Variants in CBL observed in about 807,000 individuals in gnomAD.
CBL encodes the protein Cbl proto-oncogene.
In CBL, 45 loss-of-function variants were observed where a neutral mutation model predicts 96.9. The ratio of observed to expected loss-of-function variants is 0.46; its 90% CI spans 0.37 to 0.60. CBL has a LOEUF of 0.60. Among genes scored for constraint, CBL ranks in the 20% least tolerant of loss-of-function variants. The probability of loss-of-function intolerance (pLI) is 0.00; values close to 1 mark genes in which losing one functional copy is unlikely to be tolerated. For missense variants in CBL, 1,024 were observed against 1,143.5 expected (o/e 0.90, Z 1.51); for synonymous variants, 420 against 426.8 (o/e 0.98, Z 0.20).
chr11:119,287,815 A>G (rs1394510042), intron 11 of CBL, 37 bp from the exon 12 acceptor site: 1 of 1,324,176 alleles, frequency 7.6e-7, no homozygotes, highest in Admixed American at 1.7e-5. Context: ...AGCTGTGGTA[A>G]GAAAGTTGTT....
intron 1 of CBL, among the ~76,000 whole-genome samples, chr11:119,216,839 C>T (rs762341318): frequency 2.6e-5 from 4 of 152,110 alleles, no homozygotes; most frequent in Non-Finnish European, 4.4e-5. Flanking sequence ...AGTTTGGGGT[C>T]CATTCCCTCC....
At chr11:119,242,366 C>G (rs564648705) in intron 2 of CBL, among the ~76,000 whole-genome samples, 2 of 151,690 alleles carry the variant, frequency 1.3e-5, no homozygotes, top group African/African-American at 2.4e-5. Flanking sequence ...TGGTGAAACC[C>G]CCTCCCTTCT....
At chr11:119,298,706 A>T (rs1297627673) in intron 15 of CBL, among the ~76,000 whole-genome samples, 166 bp downstream of exon 15, 1 of 152,042 alleles carries the variant, frequency 6.6e-6, no homozygotes, top group Non-Finnish European at 1.5e-5. Flanking sequence ...CTGTAGTCAG[A>T]CTCTTTAGGA....
At position 119,257,281 on chromosome 11, in the gene CBL, A is replaced by AT. The variant is rs1949718985; in HGVS notation, c.444-14448dup. ...CACATCAGCATCTATTGTTCTTTTGATTTTTTAAATAATGGCCACTCTGGC... is the reference window on the plus strand; with the variant it reads ...CACATCAGCATCTATTGTTCTTTTGATTTTTTTAAATAATGGCCACTCTGGC... On this transcript the variant is annotated intron_variant, in intron 2 of 15. Coordinates refer to ENST00000264033, the MANE Select transcript of CBL (RefSeq NM_005188.4). Among the ~76,000 whole-genome samples, 2 of 152,140 alleles carry AT rather than the reference A, an allele frequency of 1.3e-5. 1 individual carries two copies. The highest frequency in any genetic ancestry group is 4.1e-4 in the South Asian group (2 of 4,834).
intron 2 of CBL, among the ~76,000 whole-genome samples, chr11:119,270,417 T>TAC (rs1949835374): frequency 1.6e-5 from 1 of 62,544 alleles, no homozygotes; most frequent in Non-Finnish European, 3.0e-5. Context: ...AGCTAATTTT[T>TAC]ATATATATAT....
At chr11:119,230,714 T>G (rs2135264750) in intron 1 of CBL, among the ~76,000 whole-genome samples, 1 of 152,366 alleles carries the variant, frequency 6.6e-6, no homozygotes, top group East Asian at 1.9e-4. Flanking sequence ...TTTTGTATTC[T>G]TGATTTGTAA....
At chr11:119,227,325 T>C (rs949089153) in intron 1 of CBL, among the ~76,000 whole-genome samples, 2 of 152,192 alleles carry the variant, frequency 1.3e-5, no homozygotes, top group African/African-American at 2.4e-5. Context: ...TATTGACTTA[T>C]GATACCTTCA....
At chr11:119,298,580 G>C (rs757732721) in intron 15 of CBL, 40 bp downstream of exon 15, 2 of 1,550,872 alleles carry the variant, frequency 1.3e-6, no homozygotes, top group Non-Finnish European at 1.8e-6. Context: ...CTGAATGGCA[G>C]TGTGGCCTGT....
intron 9 of CBL, among the ~76,000 whole-genome samples, chr11:119,280,089 A>AG (rs1393747063): frequency 6.6e-6 from 1 of 152,260 alleles, no homozygotes; most frequent in Non-Finnish European, 1.5e-5. Flanking sequence ...CAGAAAAAAA[A>AG]CCAGCCTCAT....
intron 2 of CBL, among the ~76,000 whole-genome samples, chr11:119,266,136 C>T (rs149132322): frequency 9.9e-5 from 15 of 151,920 alleles, no homozygotes; most frequent in African/African-American, 3.1e-4. Context: ...GTCGAGGCTG[C>T]AGTTTCCTTG....
chr11:119,300,017 C>T lies in CBL; in HGVS notation c.*236C>T, dbSNP rs997828176. The stretch of plus-strand genomic sequence containing the variant: ...ATTTGAAGGTGTCCTTCAGTTCCCA[C>T]GTAGAGAGAGTGTGGATTATATTAC... On this transcript the variant is annotated 3_prime_UTR_variant, in exon 16 of 16. Coordinates refer to ENST00000264033, the MANE Select transcript of CBL (RefSeq NM_005188.4). 1.6e-4 allele frequency: 99 copies of T among 600,108 alleles called. No individual in the cohort carries two copies. Among genetic ancestry groups the T allele is most frequent in the African/African-American group, 1.6e-3 (84 of 53,838 alleles). 37.2% of individuals were successfully genotyped at this position (600,108 alleles called of 1,614,324 possible). A position where few individuals can be genotyped will look rare whatever the true frequency, so the allele number is the denominator to read the frequency against.
chr11:119,267,296 C>G (rs2135293074), intron 2 of CBL, among the ~76,000 whole-genome samples: 1 of 152,248 alleles, frequency 6.6e-6, no homozygotes, highest in Admixed American at 6.5e-5. Flanking sequence ...TTGAACTGCT[C>G]TTAGGTACCT....
chr11:119,271,557 T>G (rs1949849009), intron 2 of CBL, among the ~76,000 whole-genome samples, 178 bp from the exon 3 acceptor site: 1 of 152,174 alleles, frequency 6.6e-6, no homozygotes, highest in Non-Finnish European at 1.5e-5. Flanking sequence ...CGCATTTCTT[T>G]TCTCTTCTCT....
intron 3 of CBL, 58 bp downstream of exon 3, chr11:119,271,939 T>C (rs1949852524): frequency 2.7e-6 from 4 of 1,486,212 alleles, no homozygotes; most frequent in Non-Finnish European, 3.7e-6. Flanking sequence ...GAGTTTTTTC[T>C]TTACTTTTTT....
At chr11:119,258,472 C>CT (rs1012462516) in intron 2 of CBL, among the ~76,000 whole-genome samples, 16 of 152,236 alleles carry the variant, frequency 1.1e-4, no homozygotes, top group African/African-American at 2.2e-4. Context: ...CCTGAGAACT[C>CT]TATCACTGTA....
At chr11:119,213,303 T>A (rs371607364) in intron 1 of CBL, among the ~76,000 whole-genome samples, 4 of 152,318 alleles carry the variant, frequency 2.6e-5, no homozygotes, top group Admixed American at 6.5e-5. Flanking sequence ...ACTCCCTCCC[T>A]TCCTTCTTAC....
chr11:119,278,509 G>A lies in CBL; in HGVS notation c.1228-1G>A, dbSNP rs587777540. ...GTTACTATCTTTTGCTTCTTCTGCA[G>A]GAATCAGAAGGTCAGGGCTGTCCTT... is the stretch of plus-strand genomic sequence containing the variant. On this transcript the variant is annotated splice_acceptor_variant, in intron 8 of 15. Transcript: ENST00000264033. LOFTEE classifies it high-confidence loss of function. 1 of 1,612,736 alleles carries A rather than the reference G, an allele frequency of 6.2e-7. No individual in the cohort carries two copies. The highest frequency in any genetic ancestry group is 1.3e-5 in the African/African-American group (1 of 74,884).
chr11:119,218,718 T>C (rs150953565), intron 1 of CBL, among the ~76,000 whole-genome samples: 11 of 152,340 alleles, frequency 7.2e-5, no homozygotes, highest in African/African-American at 2.6e-4. Context: ...CTGTTGGCAG[T>C]CTTGCAGTGC....
At chr11:119,269,762 G>A (rs1401187747) in intron 2 of CBL, among the ~76,000 whole-genome samples, 1 of 152,094 alleles carries the variant, frequency 6.6e-6, no homozygotes, top group African/African-American at 2.4e-5. Context: ...TTGGGAGGCC[G>A]AGGCAGGCAG....
Sources: gnomAD v4.1 joint callset for allele counts (sites outside exome capture counted in the v4.1 genomes callset) on GRCh38, gnomAD v4.1.1 for gene constraint, MANE v1.5 for transcripts, NCBI Gene and HGNC (gene_info 2026-07-23, HGNC 2026-07-21) for gene names.